Variants in RGS7 observed in about 807,000 individuals in gnomAD.
The protein encoded by RGS7 is regulator of G-protein signaling 7.
RGS7 carries 27 observed loss-of-function variants against 81.1 expected under a neutral mutation model. The observed-to-expected ratio is 0.33, with a 90% confidence interval of 0.25 to 0.46. RGS7 has a LOEUF of 0.46. Among genes scored for constraint, RGS7 ranks in the 20% least tolerant of loss-of-function variants. The pLI, the probability that RGS7 is intolerant of heterozygous loss-of-function variation, is 1.00. For synonymous variants in RGS7, 208 were observed against 207.7 expected (o/e 1.00, Z -0.01); for missense variants, 396 against 607.4 (o/e 0.65, Z 3.66).
intron 4 of RGS7, among the ~76,000 whole-genome samples, chr1:240,977,200 G>A (rs1051595920): frequency 2.7e-5 from 4 of 150,554 alleles, no homozygotes; most frequent in Non-Finnish European, 4.4e-5. Context: ...CAATGTAGAC[G>A]TATGTTCACC....
At chr1:240,926,800 C>G (rs1206465226) in intron 6 of RGS7, among the ~76,000 whole-genome samples, 1 of 152,084 alleles carries the variant, frequency 6.6e-6, no homozygotes, top group Non-Finnish European at 1.5e-5. Flanking sequence ...CACAAAATAC[C>G]AGAAATCTTA....
At chr1:241,308,697 T>C (rs1480434823) in intron 2 of RGS7, among the ~76,000 whole-genome samples, 1 of 152,152 alleles carries the variant, frequency 6.6e-6, no homozygotes, top group Non-Finnish European at 1.5e-5. Context: ...TCTCCAGGCC[T>C]GTTCATTGAT....
At chr1:241,224,918 A>G (rs2075227967) in intron 2 of RGS7, among the ~76,000 whole-genome samples, 1 of 152,182 alleles carries the variant, frequency 6.6e-6, no homozygotes, top group Non-Finnish European at 1.5e-5. Context: ...CCTAGACCCT[A>G]CAAAAGTTGT....
At chr1:240,791,526 A>C (rs1232864496) in intron 18 of RGS7, among the ~76,000 whole-genome samples, 1 of 152,252 alleles carries the variant, frequency 6.6e-6, no homozygotes, top group Non-Finnish European at 1.5e-5. Context: ...ACTAGCAAAA[A>C]TTATGGAAAA....
chr1:240,989,686 A>G (rs1341549759), intron 3 of RGS7, among the ~76,000 whole-genome samples: 4 of 152,160 alleles, frequency 2.6e-5, no homozygotes, highest in African/African-American at 9.7e-5. Context: ...GGCTAGAGGC[A>G]TCGACATTTT....
At chr1:240,810,269 G>A (rs889405121) in intron 14 of RGS7, among the ~76,000 whole-genome samples, 2 of 152,170 alleles carry the variant, frequency 1.3e-5, no homozygotes, top group African/African-American at 4.8e-5. Flanking sequence ...GAGAGAAGGC[G>A]ATGTTTTTAT....
At chr1:241,190,113 T>C (rs541010345) in intron 2 of RGS7, among the ~76,000 whole-genome samples, 2 of 151,860 alleles carry the variant, frequency 1.3e-5, no homozygotes, top group African/African-American at 4.8e-5. Flanking sequence ...AAAAAAAAAA[T>C]CAACTGGTCC....
intron 5 of RGS7, among the ~76,000 whole-genome samples, chr1:240,935,068 GT>G (rs34177709): frequency 7.5e-5 from 11 of 145,748 alleles, no homozygotes; most frequent in South Asian, 2.2e-4. Flanking sequence ...TTTTTTGTTT[GT>G]TTTTTTTTTA....
intron 3 of RGS7, among the ~76,000 whole-genome samples, chr1:240,993,821 T>A (rs1686880546): frequency 6.6e-6 from 1 of 152,204 alleles, no homozygotes; most frequent in Non-Finnish European, 1.5e-5. Context: ...AAATTTTTTT[T>A]GTTTTAATTT....
At chr1:241,096,636 C>T (rs1158496472) in intron 3 of RGS7, among the ~76,000 whole-genome samples, 3 of 152,136 alleles carry the variant, frequency 2.0e-5, no homozygotes, top group Non-Finnish European at 4.4e-5. Flanking sequence ...AATTCTCAAT[C>T]TATATGTCCA....
intron 3 of RGS7, among the ~76,000 whole-genome samples, chr1:241,087,403 A>G (rs1369145465): frequency 1.3e-5 from 2 of 152,248 alleles, no homozygotes; most frequent in East Asian, 1.9e-4. Flanking sequence ...CAATCACAAA[A>G]GTGACCATAT....
chr1:241,049,079 G>A (rs752415639), intron 3 of RGS7, among the ~76,000 whole-genome samples: 1 of 152,096 alleles, frequency 6.6e-6, no homozygotes, highest in Non-Finnish European at 1.5e-5. Flanking sequence ...GATCCACCCC[G>A]GTGATCTCAT....
intron 3 of RGS7, among the ~76,000 whole-genome samples, chr1:241,068,179 T>A (rs150886210): frequency 7.0e-6 from 1 of 142,060 alleles, no homozygotes; most frequent in Admixed American, 7.4e-5. Flanking sequence ...AGTATTTTTA[T>A]CAGAGAGAGT....
At chr1:241,112,198 A>AT (rs910353999) in intron 2 of RGS7, among the ~76,000 whole-genome samples, 17 of 152,228 alleles carry the variant, frequency 1.1e-4, no homozygotes, top group African/African-American at 4.1e-4. Context: ...AAGGGCTAAA[A>AT]ATATATATTT....
At chr1:241,080,679 C>T (rs2063081919) in intron 3 of RGS7, among the ~76,000 whole-genome samples, 2 of 152,084 alleles carry the variant, frequency 1.3e-5, no homozygotes, top group Admixed American at 1.3e-4. Context: ...CCAAATATAC[C>T]ATTTTTTTCT....
chr1:241,291,923 A>G (rs1377620570), intron 2 of RGS7, among the ~76,000 whole-genome samples: 1 of 152,150 alleles, frequency 6.6e-6, no homozygotes, highest in African/African-American at 2.4e-5. Flanking sequence ...CATCTGTAGT[A>G]CAATCACCGA....
chr1:241,340,906 G>A (rs1436826188), intron 2 of RGS7, among the ~76,000 whole-genome samples: 1 of 152,104 alleles, frequency 6.6e-6, no homozygotes, highest in Admixed American at 6.5e-5. Flanking sequence ...AAAACAAAAG[G>A]CAAAGAGGAT....
intron 14 of RGS7, 42 bp from the exon 15 acceptor site, chr1:240,806,368 T>C (rs905836163): frequency 1.3e-6 from 2 of 1,586,792 alleles, no homozygotes; most frequent in African/African-American, 2.7e-5. Context: ...TGATGGCCCA[T>C]CATCTGAAAA....
chr1:240,884,402 C>T (rs12083487), intron 6 of RGS7, among the ~76,000 whole-genome samples: 68,092 of 152,050 alleles, frequency 0.45, 15,784 homozygotes, highest in East Asian at 0.53. Flanking sequence ...CCTAATTCAG[C>T]GTTCAAGGTA....
Sources: gnomAD v4.1 joint callset for allele counts (sites outside exome capture counted in the v4.1 genomes callset) on GRCh38, gnomAD v4.1.1 for gene constraint, MANE v1.5 for transcripts, NCBI Gene and HGNC (gene_info 2026-07-23, HGNC 2026-07-21) for gene names.